The following KMT2C variants were observed in gnomAD, a reference collection of about 807,000 sequenced individuals.
KMT2C encodes lysine methyltransferase 2C.
Under a neutral mutation model 507.9 loss-of-function variants are expected in KMT2C, and 88 were observed. The observed-to-expected ratio is 0.17, with a 90% confidence interval of 0.15 to 0.21. The LOEUF is 0.21. Ranked by LOEUF, KMT2C falls within the 10% of genes least tolerant of loss-of-function variation. The probability of loss-of-function intolerance (pLI) is 1.00; values close to 1 mark genes in which losing one functional copy is unlikely to be tolerated. For synonymous variants in KMT2C, 2,049 were observed against 2,080.8 expected, an observed-to-expected ratio of 0.98 and a Z score of 0.42; for missense variants, 4,954 against 5,957.8, an observed-to-expected ratio of 0.83 and a Z score of 5.55.
chr7:152,154,369 C>T lies in KMT2C; in HGVS notation c.12037G>A (p.Val4013Ile), dbSNP rs2091889300. The stretch of plus-strand genomic sequence containing the variant: ...AGATCTGGATACCTGCTCACTTCTA[C>T]CCCAACCACACTCTCAGGAGAGGAT... ...PSSSPESVVG[V>I]EVSRYPDLSL... Residue 4013 changes from valine to isoleucine, a missense_variant, in exon 47 of 59, where the codon GTA becomes ATA. Around this residue, in one of 29 missense-constraint regions of KMT2C, gnomAD observed 6 missense variants for 23.3 expected, o/e 0.26. Transcript: ENST00000262189. 6.2e-7 allele frequency: 1 copy of T among 1,613,990 alleles called. No individual in the cohort carries two copies. Among genetic ancestry groups the T allele is most frequent in the Non-Finnish European group, 8.5e-7 (1 of 1,179,998 alleles).
chr7:152,207,110 T>G (rs1378415054), intron 24 of KMT2C, among the ~76,000 whole-genome samples, 190 bp downstream of exon 24: 1 of 152,176 alleles, frequency 6.6e-6, no homozygotes, highest in African/African-American at 2.4e-5. Context: ...ATTCACACAT[T>G]CAAAATAAAG....
At chr7:152,389,564 C>T (rs184166462) in intron 1 of KMT2C, among the ~76,000 whole-genome samples, 15 of 152,188 alleles carry the variant, frequency 9.9e-5, no homozygotes, top group African/African-American at 3.1e-4. Context: ...AAGCAATCCT[C>T]CCAAGTAGCT....
chr7:152,194,222 C>A lies in KMT2C; in HGVS notation c.4540+7G>T. 1 of 1,535,230 alleles carries A rather than the reference C, an allele frequency of 6.5e-7. No individual in the cohort carries two copies. Among genetic ancestry groups the A allele is most frequent in the Non-Finnish European group, 8.8e-7 (1 of 1,132,652 alleles). On this transcript the variant is annotated splice_region_variant and intron_variant, in intron 30 of 58. Transcript: ENST00000262189. ...TTTCATTAACTAGAAAATCAAAACACATTTACCTGGAATTTTATATAATTT... is the reference window on the plus strand; with the variant it reads ...TTTCATTAACTAGAAAATCAAAACAAATTTACCTGGAATTTTATATAATTT...
In KMT2C at chr7:152,180,738, G is replaced by A. The variant is rs2093408189; in HGVS notation, c.7122C>T (p.Ala2374=). The A allele has an allele frequency of 6.2e-7, 1 of 1,613,266 alleles. No individual in the cohort carries two copies. Among genetic ancestry groups the A allele is most frequent in the Admixed American group, 1.7e-5 (1 of 59,926 alleles). ...VTDTQNTVNM[A]QADTEKLRQR... ...GTCTCAATTTCTCTGTATCTGCTTGGGCCATATTTACAGTATTCTGTGTAT... is the reference window on the plus strand; with the variant it reads ...GTCTCAATTTCTCTGTATCTGCTTGAGCCATATTTACAGTATTCTGTGTAT... Residue 2374 remains alanine (A), a synonymous_variant, in exon 36 of 59, where the codon GCC becomes GCT. Transcript: ENST00000262189.
chr7:152,201,650 C>G (rs1433226454), intron 26 of KMT2C, among the ~76,000 whole-genome samples: 1 of 113,812 alleles, frequency 8.8e-6, no homozygotes, highest in Non-Finnish European at 1.8e-5. Context: ...AAAAGGTAAG[C>G]CAACCTATAA....
At chr7:152,185,698 TG>T (rs746786902) in intron 33 of KMT2C, 67 bp from the exon 34 acceptor site, 585 of 1,148,924 alleles carry the variant, frequency 5.1e-4, no homozygotes, top group South Asian at 8.6e-4. Flanking sequence ...TAATAAAGAA[TG>T]TTGATGAACT....
chr7:152,354,633 A>C (rs1442675332), intron 2 of KMT2C, among the ~76,000 whole-genome samples: 1 of 152,218 alleles, frequency 6.6e-6, no homozygotes, highest in Non-Finnish European at 1.5e-5. Flanking sequence ...GACTTGACTG[A>C]AGTAAGGGAA....
At position 152,144,391 on chromosome 7, in the gene KMT2C, T is replaced by C. The variant is rs1323707370; in HGVS notation, c.14343+322A>G. Among the ~76,000 whole-genome samples, 1 of 152,208 alleles carries C rather than the reference T, an allele frequency of 6.6e-6. No individual in the cohort carries two copies. Among genetic ancestry groups the C allele is most frequent in the African/African-American group, 2.4e-5 (1 of 41,456 alleles). ...TATTTTCATTTGTATTTCTCTCAAG[T>C]GCTTGAAACAGCTCTACTGAGCACT... On this transcript the variant is annotated intron_variant, in intron 55 of 58. Coordinates refer to ENST00000262189, the MANE Select transcript of KMT2C (RefSeq NM_170606.3). The surrounding 1 kb of genome is among the most constrained non-coding windows in gnomAD (Gnocchi z 4.4).
intron 3 of KMT2C, among the ~76,000 whole-genome samples, chr7:152,323,004 GCTA>G: frequency 6.6e-6 from 1 of 151,978 alleles, no homozygotes; most frequent in Middle Eastern, 3.4e-3. Flanking sequence ...CTAACAAATG[GCTA>G]CTATTAAAAA....
intron 2 of KMT2C, among the ~76,000 whole-genome samples, chr7:152,336,932 G>A (rs1443757035): frequency 6.6e-6 from 1 of 152,120 alleles, no homozygotes; most frequent in Non-Finnish European, 1.5e-5. Context: ...TTCATCTGTA[G>A]CCACTATCTA....
intron 9 of KMT2C, among the ~76,000 whole-genome samples, chr7:152,259,899 A>G (rs541616481): frequency 6.6e-6 from 1 of 152,356 alleles, no homozygotes; most frequent in Non-Finnish European, 1.5e-5. Flanking sequence ...TACAGAGAGA[A>G]CTACAGAAGA....
At chr7:152,366,910 G>C (rs1306436256) in intron 1 of KMT2C, 1 of 434,844 alleles carries the variant, frequency 2.3e-6, no homozygotes, top group Non-Finnish European at 4.1e-6. Flanking sequence ...CTGGCGCTGC[G>C]AGCCAACGGG....
At chr7:152,391,861 G>A (rs1338103383) in intron 1 of KMT2C, among the ~76,000 whole-genome samples, 2 of 152,162 alleles carry the variant, frequency 1.3e-5, no homozygotes, top group African/African-American at 4.8e-5. Flanking sequence ...AAAAGAGCTG[G>A]AGTATAAACG....
chr7:152,234,006 G>A lies in KMT2C; in HGVS notation c.2769+1811C>T, dbSNP rs2360911. 4.0e-3 allele frequency among the ~76,000 whole-genome samples: 612 copies of A among 152,058 alleles called. 4 individuals carry two copies. Among genetic ancestry groups the A allele is most frequent in the African/African-American group, 0.014 (561 of 41,444 alleles). On this transcript the variant is annotated intron_variant, in intron 16 of 58. Transcript: ENST00000262189. ...AAAAATTAGCCAGGCATGTTGGTGC[G>A]CGCCAGTAATCCCAGCTACTCAGAA... is the stretch of plus-strand genomic sequence containing the variant.
intron 1 of KMT2C, among the ~76,000 whole-genome samples, chr7:152,387,469 A>AT (rs34278604): frequency 0.3 from 34,956 of 115,668 alleles, 3,818 homozygotes; most frequent in African/African-American, 0.42. Flanking sequence ...GTATAATTCC[A>AT]TTTTTTTTTT....
intron 3 of KMT2C, among the ~76,000 whole-genome samples, chr7:152,327,515 T>C (rs1424538427): frequency 6.6e-6 from 1 of 152,246 alleles, no homozygotes; most frequent in Non-Finnish European, 1.5e-5. Context: ...ATATTCTGCA[T>C]TCTGTACCTC....
chr7:152,139,804 G>T lies in KMT2C; in HGVS notation c.14344-13C>A. The T allele has an allele frequency of 6.4e-7, 1 of 1,569,442 alleles. No homozygotes were observed. Among genetic ancestry groups the T allele is most frequent in the Non-Finnish European group, 8.8e-7 (1 of 1,140,560 alleles). On this transcript the variant is annotated splice_polypyrimidine_tract_variant and intron_variant, in intron 55 of 58. Transcript: ENST00000262189. ...ACAGGCCCAGCCCCTAAAAAAAAGTGTGTACATACTTCCAATTTATGTGAC... is the reference window on the plus strand; with the variant it reads ...ACAGGCCCAGCCCCTAAAAAAAAGTTTGTACATACTTCCAATTTATGTGAC...
chr7:152,139,908 A>G, intron 55 of KMT2C, 117 bp from the exon 56 acceptor site: 1 of 708,206 alleles, frequency 1.4e-6, no homozygotes, highest in Non-Finnish European at 2.5e-6. Flanking sequence ...TTTCACTTGA[A>G]CTCAAATCAT....
Position 152,311,884 on chromosome 7 carries a change from T to C in KMT2C, c.653A>G (p.Asp218Gly), listed in dbSNP as rs2129200518. The change falls in exon 5 of 59, where the codon GAT becomes GGT. Residue 218 changes from aspartate (D) to glycine (G), a missense_variant. By Grantham distance (94) the Asp-to-Gly change is moderately conservative (BLOSUM62 -1). Coordinates refer to ENST00000262189, the MANE Select transcript of KMT2C (RefSeq NM_170606.3). The stretch of plus-strand genomic sequence containing the variant: ...ATCCCACAGTTTACCAGCTTGATCA[T>C]CTGAAGCTGTCTGGGTGCTTACACT... ...CVSVSTQTAS[D>G]DQAGKLWDEL... The C allele has an allele frequency of 6.2e-7, 1 of 1,611,140 alleles. No homozygotes were observed. Among genetic ancestry groups the C allele is most frequent in the Non-Finnish European group, 8.5e-7 (1 of 1,177,598 alleles).
Sources: allele counts gnomAD v4.1 joint callset (sites outside exome capture counted in the v4.1 genomes callset), GRCh38; gene constraint gnomAD v4.1.1; regional missense constraint gnomAD v4.1.1; non-coding constraint Gnocchi (gnomAD v3.1); transcripts MANE v1.5; gene names NCBI Gene and HGNC (gene_info 2026-07-23, HGNC 2026-07-21).